The following KCNMB4 variants were observed in gnomAD, a reference collection of about 807,000 sequenced individuals.
KCNMB4 encodes the protein calcium-activated potassium channel subunit beta-4.
A neutral mutation model predicts 20.7 loss-of-function variants in KCNMB4; 3 were observed. That is an observed-to-expected ratio of 0.14 (90% confidence interval 0.07 to 0.37). KCNMB4 has a LOEUF of 0.37. Ranked by LOEUF, KCNMB4 falls within the 10% of genes least tolerant of loss-of-function variation. The pLI, the probability that KCNMB4 is intolerant of heterozygous loss-of-function variation, is 1.00. For synonymous variants in KCNMB4, 110 were observed against 113.4 expected, an observed-to-expected ratio of 0.97 and a Z score of 0.19; for missense variants, 168 against 265.9, an observed-to-expected ratio of 0.63 and a Z score of 2.56.
At chr12:70,427,741 A>G (rs1427476050) in intron 2 of KCNMB4, among the ~76,000 whole-genome samples, 2 of 152,088 alleles carry the variant, frequency 1.3e-5, no homozygotes, top group Admixed American at 6.5e-5. Context: ...TTTTTGGTAC[A>G]TGTTCTTCAA....
At chr12:70,381,657 C>A (rs1297978801) in intron 1 of KCNMB4, among the ~76,000 whole-genome samples, 1 of 152,018 alleles carries the variant, frequency 6.6e-6, no homozygotes, top group East Asian at 1.9e-4. Flanking sequence ...CAGGAAATGT[C>A]CAGAATAAGG....
intron 1 of KCNMB4, among the ~76,000 whole-genome samples, chr12:70,399,144 A>G (rs1379606198): frequency 3.3e-5 from 5 of 152,234 alleles, no homozygotes; most frequent in Non-Finnish European, 5.9e-5. Context: ...AGCTTTGTGC[A>G]TCATGCTAAA....
chr12:70,419,479 G>C (rs1868993756), intron 2 of KCNMB4, among the ~76,000 whole-genome samples: 1 of 152,088 alleles, frequency 6.6e-6, no homozygotes, highest in Non-Finnish European at 1.5e-5. Context: ...AAAACAACAA[G>C]AAGAACTGAT....
chr12:70,424,733 A>G (rs1305108908), intron 2 of KCNMB4, among the ~76,000 whole-genome samples: 1 of 151,330 alleles, frequency 6.6e-6, no homozygotes, highest in Non-Finnish European at 1.5e-5. Flanking sequence ...CTGGGCGACA[A>G]GAGCAAAACT....
At chr12:70,429,793 T>C (rs1275298720) in intron 2 of KCNMB4, among the ~76,000 whole-genome samples, 1 of 151,952 alleles carries the variant, frequency 6.6e-6, no homozygotes, top group Non-Finnish European at 1.5e-5. Context: ...AATGCAGGAA[T>C]TGAAAAATAG....
intron 2 of KCNMB4, among the ~76,000 whole-genome samples, chr12:70,421,758 T>A: frequency 6.6e-6 from 1 of 151,918 alleles, no homozygotes; most frequent in Non-Finnish European, 1.5e-5. Context: ...ATTTTTTGTA[T>A]TTTTAGTAGA....
rs139252541 is a variant in KCNMB4, at chr12:70,409,176, A to G, written c.464+8840A>G. Among the ~76,000 whole-genome samples the G allele has an allele frequency of 2.8e-3, 428 of 152,298 alleles. 4 individuals are homozygous for G. Among genetic ancestry groups the G allele is most frequent in the African/African-American group, 1.0e-2 (415 of 41,568 alleles). On this transcript the variant is annotated intron_variant, in intron 2 of 2. Transcript: ENST00000258111. ...CTCTGGATAGTAGGTCACAGAGTAC[A>G]CGGAGCAGGCTTACACAAACACACA...
chr12:70,426,138 A>G (rs570287504), intron 2 of KCNMB4, among the ~76,000 whole-genome samples: 2 of 152,212 alleles, frequency 1.3e-5, no homozygotes, highest in African/African-American at 4.8e-5. Flanking sequence ...TACTAAAAGT[A>G]CAAAAATTAG....
intron 1 of KCNMB4, among the ~76,000 whole-genome samples, chr12:70,374,839 T>C (rs936417916): frequency 3.3e-5 from 5 of 151,548 alleles, no homozygotes; most frequent in Non-Finnish European, 5.9e-5. Flanking sequence ...TTAATCTAAC[T>C]ATATTGCAGC....
intron 1 of KCNMB4, among the ~76,000 whole-genome samples, chr12:70,373,945 A>G (rs971173908): frequency 6.6e-6 from 1 of 152,174 alleles, no homozygotes; most frequent in African/African-American, 2.4e-5. Flanking sequence ...AAATTTAAGT[A>G]TGTGCTTTAG....
intron 2 of KCNMB4, among the ~76,000 whole-genome samples, chr12:70,415,135 C>T (rs887379616): frequency 2.2e-4 from 33 of 152,284 alleles, no homozygotes; most frequent in African/African-American, 7.9e-4. Flanking sequence ...TGAATCTGCA[C>T]AACACCCCTA....
chr12:70,430,579 A>G lies in KCNMB4; in HGVS notation c.559A>G (p.Ile187Val). The change falls in exon 3 of 3, where the codon ATT (isoleucine) becomes GTT (valine). Residue 187 changes from isoleucine to valine, a missense_variant. By Grantham distance (29) the Ile-to-Val change is conservative (BLOSUM62 3). Coordinates refer to ENST00000258111, the MANE Select transcript of KCNMB4 (RefSeq NM_014505.6). The stretch of plus-strand genomic sequence containing the variant: ...GGTGACATTTGTGGTGGGCGTTCTC[A>G]TTGTGGTCCTGACCATCTGTGCCAA... ...PLVTFVVGVL[I>V]VVLTICAKSL... 1 of 1,613,966 alleles carries G rather than the reference A, an allele frequency of 6.2e-7. No individual in the cohort carries two copies. The highest frequency in any genetic ancestry group is 8.5e-7 in the Non-Finnish European group (1 of 1,179,964).
Position 70,432,560 on chromosome 12 carries a change from A to T in KCNMB4, c.*1907A>T, listed in dbSNP as rs1014901187. On this transcript the variant is annotated 3_prime_UTR_variant, in exon 3 of 3. Transcript: ENST00000258111. ...CAAGTATCTGGGGTTACTGGTGTGC[A>T]CCACCGTGCTTGGCTCCAATAATTT... 6.6e-6 allele frequency: 1 copy of T among 152,146 alleles called. No homozygotes were observed. The highest frequency in any genetic ancestry group is 2.4e-5 in the African/African-American group (1 of 41,434). 9.4% of individuals were successfully genotyped at this position (152,146 alleles called of 1,614,324 possible).
intron 2 of KCNMB4, among the ~76,000 whole-genome samples, chr12:70,409,750 A>G (rs896467926): frequency 6.6e-6 from 1 of 152,218 alleles, no homozygotes; most frequent in African/African-American, 2.4e-5. Flanking sequence ...CTAGGTAAAA[A>G]GCTAGGGGGA....
At chr12:70,376,298 T>C (rs993282074) in intron 1 of KCNMB4, among the ~76,000 whole-genome samples, 1 of 151,998 alleles carries the variant, frequency 6.6e-6, no homozygotes, top group African/African-American at 2.4e-5. Flanking sequence ...GACGAGGATG[T>C]CCACTCTTAC....
At chr12:70,395,736 A>G (rs1379397124) in intron 1 of KCNMB4, among the ~76,000 whole-genome samples, 3 of 152,212 alleles carry the variant, frequency 2.0e-5, no homozygotes, top group African/African-American at 7.2e-5. Context: ...CTTTTTCGAA[A>G]ATATTTTTTC....
intron 1 of KCNMB4, among the ~76,000 whole-genome samples, chr12:70,378,252 G>A (rs958369906): frequency 4.0e-5 from 6 of 151,714 alleles, no homozygotes; most frequent in Non-Finnish European, 5.9e-5. Context: ...CACCGCGCCC[G>A]GCCTTCAAGC....
At chr12:70,414,805 G>T (rs1004401570) in intron 2 of KCNMB4, among the ~76,000 whole-genome samples, 11 of 152,058 alleles carry the variant, frequency 7.2e-5, no homozygotes, top group African/African-American at 2.7e-4. Flanking sequence ...ATTTAAATAC[G>T]CAAGAATTTA....
intron 1 of KCNMB4, among the ~76,000 whole-genome samples, chr12:70,380,046 G>C (rs1413090002): frequency 3.3e-5 from 5 of 152,214 alleles, no homozygotes; most frequent in Non-Finnish European, 7.3e-5. Flanking sequence ...CTTTCAGCCT[G>C]TCTCAGCTTT....
Sources: allele counts gnomAD v4.1 joint callset (sites outside exome capture counted in the v4.1 genomes callset), GRCh38; gene constraint gnomAD v4.1.1; transcripts MANE v1.5; gene names NCBI Gene and HGNC (gene_info 2026-07-23, HGNC 2026-07-21).